ANKAR: variants seen among roughly 807,000 people sequenced by gnomAD.
ANKAR encodes ankyrin and armadillo repeat-containing protein.
ANKAR carries 136 observed loss-of-function variants against 146.2 expected under a neutral mutation model. The ratio of observed to expected loss-of-function variants is 0.93; its 90% CI spans 0.81 to 1.07. The LOEUF is 1.07. Among genes scored for constraint, ANKAR ranks in the 50% least tolerant of loss-of-function variants. The probability of loss-of-function intolerance (pLI) is 0.00; values close to 1 mark genes in which losing one functional copy is unlikely to be tolerated. For missense variants in ANKAR, 1,567 were observed against 1,679.9 expected (o/e 0.93, Z 1.18); for synonymous variants, 500 against 575.8 (o/e 0.87, Z 1.88).
intron 11 of ANKAR, among the ~76,000 whole-genome samples, chr2:189,720,404 C>T (rs1368463402): frequency 2.0e-5 from 3 of 152,044 alleles, no homozygotes; most frequent in East Asian, 1.9e-4. Flanking sequence ...CGTGCCACCA[C>T]GCCTGGCTAA....
intron 17 of ANKAR, among the ~76,000 whole-genome samples, chr2:189,734,183 T>C (rs1353267706): frequency 2.0e-5 from 3 of 152,230 alleles, no homozygotes; most frequent in African/African-American, 7.2e-5. Flanking sequence ...TCGGTTAAAA[T>C]GGGGTCTGCC....
At chr2:189,748,843 G>C (rs1353193023), downstream of ANKAR, among the ~76,000 whole-genome samples, 6 of 152,154 alleles carry the variant, frequency 3.9e-5, no homozygotes, top group Non-Finnish European at 8.8e-5. Flanking sequence ...CAGGTTATCA[G>C]AGTTTCTTTG....
downstream of ANKAR, chr2:189,762,542 C>G (rs1273510604): frequency 2.1e-6 from 2 of 963,020 alleles, no homozygotes; most frequent in Admixed American, 6.2e-5. Context: ...CCTTTCGGGC[C>G]AAGAAAGCTG....
chr2:189,695,383 C>T (rs1298220037), intron 6 of ANKAR, among the ~76,000 whole-genome samples: 1 of 152,146 alleles, frequency 6.6e-6, no homozygotes, highest in African/African-American at 2.4e-5. Context: ...TCAATAACGG[C>T]TTATACGTAT....
chr2:189,747,424 T>C (rs1021682101), downstream of ANKAR: 5 of 151,964 alleles, frequency 3.3e-5, no homozygotes, highest in Admixed American at 6.6e-5. Flanking sequence ...AAAAATTTTT[T>C]AAAAGGGAAA....
At chr2:189,678,322 G>C (rs2034087551) in intron 2 of ANKAR, among the ~76,000 whole-genome samples, 1 of 151,854 alleles carries the variant, frequency 6.6e-6, no homozygotes, top group Non-Finnish European at 1.5e-5. Context: ...TTGAGTTCCT[G>C]GTAGATTCCG....
At chr2:189,745,027 C>CTAATAATAATAATAATAATAA (rs1553537043) in intron 22 of ANKAR, among the ~76,000 whole-genome samples, 3,471 of 131,052 alleles carry the variant, frequency 0.026, 90 homozygotes, top group Middle Eastern at 0.046. Flanking sequence ...ACTACTACTA[C>CTAATAATAATAATAATAATAA]TAATAATACA....
At position 189,689,860 on chromosome 2, in the gene ANKAR, G is replaced by T; in HGVS notation, c.935G>T (p.Gly312Val). ...HFEKKKDIRR[G>V]IGYLKLICFL... Reference sequence around the variant, plus strand: ...GAGAAGAAAAAAGATATCAGAAGAGGGATAGGATACCTAAAGTTAATATGT... The same window carrying T: ...GAGAAGAAAAAAGATATCAGAAGAGTGATAGGATACCTAAAGTTAATATGT... The change falls in exon 3 of 23, where the codon GGG becomes GTG. Residue 312 changes from glycine to valine, a missense_variant. Transcript: ENST00000684021. 6.3e-7 allele frequency: 1 copy of T among 1,595,958 alleles called. No individual in the cohort carries two copies. The highest frequency in any genetic ancestry group is 8.5e-7 in the Non-Finnish European group (1 of 1,173,022).
At chr2:189,758,446 G>A (rs2106053190) in intron 18 of ANKAR, among the ~76,000 whole-genome samples, 1 of 152,220 alleles carries the variant, frequency 6.6e-6, no homozygotes, top group East Asian at 1.9e-4. Context: ...TGCCATGTAA[G>A]ACGCCTACTC....
intron 18 of ANKAR, among the ~76,000 whole-genome samples, chr2:189,760,608 T>C (rs555951211): frequency 1.3e-5 from 2 of 152,014 alleles, no homozygotes; most frequent in Non-Finnish European, 2.9e-5. Context: ...CTGGCCAACA[T>C]GGTGAAACCC....
intron 10 of ANKAR, among the ~76,000 whole-genome samples, chr2:189,716,087 A>C (rs928433325): frequency 1.3e-5 from 2 of 152,210 alleles, no homozygotes; most frequent in Non-Finnish European, 2.9e-5. Flanking sequence ...AGTTCTGGCC[A>C]GGGCAATCAG....
chr2:189,736,805 G>T (rs897765994), intron 17 of ANKAR, among the ~76,000 whole-genome samples: 33 of 152,062 alleles, frequency 2.2e-4, no homozygotes, highest in African/African-American at 7.2e-4. Flanking sequence ...AGGTGTGGTG[G>T]TTCATGTCTG....
At chr2:189,754,473 T>C (rs1454932669) in intron 18 of ANKAR, 3 of 874,134 alleles carry the variant, frequency 3.4e-6, no homozygotes, top group Non-Finnish European at 3.4e-6. Flanking sequence ...TGCTATACTT[T>C]GGCAAATATA....
rs10687526 is a variant in ANKAR at position 189,722,338 on chromosome 2, C to CAAAA, written c.2635+1559_2635+1562dup. Among the ~76,000 whole-genome samples, 176 of 128,446 alleles carry CAAAA rather than the reference C, an allele frequency of 1.4e-3. 21 individuals carry two copies. Among genetic ancestry groups the CAAAA allele is most frequent in the East Asian group, 2.2e-3 (10 of 4,500 alleles). 84.3% of individuals were successfully genotyped at this position (128,446 alleles called of 152,430 possible). The stretch of plus-strand genomic sequence containing the variant: ...TGGGCAACAGAGCGAGACTCCATCT[C>CAAAA]AAAAAAAAAAAGGAAAAAAGAATAG... On this transcript the variant is annotated intron_variant, in intron 12 of 22. Transcript: ENST00000684021.
chr2:189,702,767 A>G (rs1183373280), intron 7 of ANKAR, among the ~76,000 whole-genome samples: 1 of 152,216 alleles, frequency 6.6e-6, no homozygotes, highest in Non-Finnish European at 1.5e-5. Flanking sequence ...GAAGGCAGGT[A>G]GGAGGACACT....
intron 3 of ANKAR, among the ~76,000 whole-genome samples, chr2:189,691,699 G>A (rs1022497770): frequency 1.2e-3 from 175 of 146,234 alleles, no homozygotes; most frequent in Non-Finnish European, 1.5e-3. Context: ...ACATATATAT[G>A]TATATATTTG....
intron 10 of ANKAR, among the ~76,000 whole-genome samples, chr2:189,714,844 G>A (rs1287468154): frequency 6.6e-6 from 1 of 151,362 alleles, no homozygotes; most frequent in Non-Finnish European, 1.5e-5. Context: ...TACTTGGGAG[G>A]CTGAGACAGG....
chr2:189,746,622 G>A lies in ANKAR; in HGVS notation c.4300G>A (p.Gly1434Ser). ...GAAAGCCAACCCAGAGCCTGCAGAAGGCTAATAAAACATTTTAGAATGAAA... is the reference window on the plus strand; with the variant it reads ...GAAAGCCAACCCAGAGCCTGCAGAAAGCTAATAAAACATTTTAGAATGAAA... ...VQKANPEPAE[G>S] The change falls in exon 23 of 23, where the codon GGC (glycine) becomes AGC (serine). Residue 1434 changes from glycine to serine, a missense_variant. By Grantham distance (56) the Gly-to-Ser change is moderately conservative (BLOSUM62 0). Transcript: ENST00000684021. 2 of 1,583,554 alleles carry A rather than the reference G, an allele frequency of 1.3e-6. No individual in the cohort carries two copies. Among genetic ancestry groups the A allele is most frequent in the Non-Finnish European group, 1.7e-6 (2 of 1,170,960 alleles).
intron 12 of ANKAR, among the ~76,000 whole-genome samples, chr2:189,723,543 A>AT (rs199892183): frequency 0.016 from 2,481 of 152,240 alleles, 33 homozygotes; most frequent in Middle Eastern, 0.027. Context: ...TCTTGGAATG[A>AT]TTATTCACAT....
Sources: gnomAD v4.1 joint callset for allele counts (sites outside exome capture counted in the v4.1 genomes callset) on GRCh38, gnomAD v4.1.1 for gene constraint, MANE v1.5 for transcripts, NCBI Gene and HGNC (gene_info 2026-07-23, HGNC 2026-07-21) for gene names.